The following ERICH6B variants were observed in gnomAD, a reference collection of about 807,000 sequenced individuals.
ERICH6B encodes glutamate rich 6B, also known as glutamate-rich protein 6B.
In ERICH6B, 69 loss-of-function variants were observed where a neutral mutation model predicts 80.0. The observed-to-expected ratio is 0.86, with a 90% confidence interval of 0.71 to 1.05. ERICH6B has a LOEUF of 1.05. Ranked by LOEUF, ERICH6B falls within the 50% of genes least tolerant of loss-of-function variation. The probability of loss-of-function intolerance (pLI) is 0.00; values close to 1 mark genes in which losing one functional copy is unlikely to be tolerated. For missense variants in ERICH6B, 754 were observed against 796.1 expected (o/e 0.95, Z 0.64); for synonymous variants, 283 against 291.9 (o/e 0.97, Z 0.31).
chr13:45,541,596 C>G lies in ERICH6B; in HGVS notation c.1957G>C (p.Val653Leu), dbSNP rs1536207. Reference sequence around the variant, plus strand: ...AGCCTATTCATTTTCCCCAGAAGGACCCGGATCTTCTGGGCTGTTGGGCCG... The same window carrying G: ...AGCCTATTCATTTTCCCCAGAAGGAGCCGGATCTTCTGGGCTGTTGGGCCG... ...EPGPTAQKIR[V>L]LLGKMNRLLN... The change falls in exon 15 of 15, where the codon GTC (valine) becomes CTC (leucine). Residue 653 changes from valine (V) to leucine (L), a missense_variant. Transcript: ENST00000298738. 1.9e-6 allele frequency: 3 copies of G among 1,551,418 alleles called. No individual in the cohort carries two copies. Among genetic ancestry groups the G allele is most frequent in the South Asian group, 2.4e-5 (2 of 84,056 alleles).
At chr13:45,589,396 GCTAAGTTTT>G (rs1876064317) in intron 4 of ERICH6B, among the ~76,000 whole-genome samples, 1 of 152,202 alleles carries the variant, frequency 6.6e-6, no homozygotes, top group Non-Finnish European at 1.5e-5. Context: ...CCTGACTCTT[GCTAAGTTTT>G]CTACCTGGCG....
At chr13:45,541,999 G>A (rs529620063) in intron 14 of ERICH6B, among the ~76,000 whole-genome samples, 9 of 152,194 alleles carry the variant, frequency 5.9e-5, no homozygotes, top group Non-Finnish European at 8.8e-5. Flanking sequence ...TGCGGCTGCC[G>A]GGCTTCTCCC....
rs539144710 is a variant in ERICH6B at position 45,613,177 on chromosome 13, A to C, written c.-111+2508T>G. On this transcript the variant is annotated intron_variant, in intron 1 of 14. Transcript: ENST00000298738. ...ACCCTTGTGGCAGTGAGCCCCTCCTAATGAAAAAAATATCCACAGCCAAAA... is the reference window on the plus strand; with the variant it reads ...ACCCTTGTGGCAGTGAGCCCCTCCTCATGAAAAAAATATCCACAGCCAAAA... Among the ~76,000 whole-genome samples, 471 of 152,238 alleles carry C rather than the reference A, an allele frequency of 3.1e-3. 1 individual carries two copies. Among genetic ancestry groups the C allele is most frequent in the South Asian group, 0.017 (82 of 4,820 alleles).
rs115294439 is a variant in ERICH6B, at chr13:45,543,402, A to G, written c.1872+1358T>C. Among the ~76,000 whole-genome samples the G allele has an allele frequency of 5.2e-3, 793 of 152,244 alleles. 7 individuals carry two copies. The highest frequency in any genetic ancestry group is 0.018 in the African/African-American group (764 of 41,526). ...TTATTTGGAAACGGGGTCTCTGTGGATATGATTAAGTTAAGGCTCTCAGGA... is the reference window on the plus strand; with the variant it reads ...TTATTTGGAAACGGGGTCTCTGTGGGTATGATTAAGTTAAGGCTCTCAGGA... On this transcript the variant is annotated intron_variant, in intron 14 of 14. Coordinates refer to ENST00000298738, the MANE Select transcript of ERICH6B (RefSeq NM_182542.3).
rs1018408423 is a variant in ERICH6B at position 45,587,195 on chromosome 13, A to G, written c.724T>C (p.Leu242=). ...GTAGCGAAAGTCAACGGGACAGTCA[A>G]GAAGGTGGTCACCTGAGAGGGGCCA... ...DAGPSQVTTF[L]TVPLTFATPS... The change falls in exon 5 of 15, where the codon TTG becomes CTG. Residue 242 remains leucine (L), a synonymous_variant. Transcript: ENST00000298738. The G allele has an allele frequency of 1.3e-6, 2 of 1,551,704 alleles. No individual in the cohort carries two copies. Among genetic ancestry groups the G allele is most frequent in the Non-Finnish European group, 1.7e-6 (2 of 1,146,996 alleles).
intron 1 of ERICH6B, among the ~76,000 whole-genome samples, chr13:45,611,258 T>G (rs1008116550): frequency 1.3e-5 from 2 of 151,876 alleles, no homozygotes. Flanking sequence ...CCAGGAAGAG[T>G]GCACAGTAAA....
chr13:45,598,624 C>A (rs1005507283), intron 2 of ERICH6B, among the ~76,000 whole-genome samples: 14 of 152,138 alleles, frequency 9.2e-5, no homozygotes, highest in Non-Finnish European at 1.5e-4. Flanking sequence ...TCATCATGGG[C>A]AAATGGCACA....
chr13:45,562,196 G>A (rs1259733844), intron 10 of ERICH6B, among the ~76,000 whole-genome samples: 4 of 152,122 alleles, frequency 2.6e-5, no homozygotes, highest in Admixed American at 6.5e-5. Context: ...GATTACAGGC[G>A]TGTGCCACCA....
At chr13:45,544,085 T>C (rs1489822706) in intron 14 of ERICH6B, among the ~76,000 whole-genome samples, 1 of 152,214 alleles carries the variant, frequency 6.6e-6, no homozygotes, top group Non-Finnish European at 1.5e-5. Context: ...ACTTATTTAT[T>C]TTTTGAGATA....
intron 1 of ERICH6B, among the ~76,000 whole-genome samples, chr13:45,608,413 A>G (rs1189207939): frequency 2.0e-5 from 3 of 152,196 alleles, no homozygotes; most frequent in Admixed American, 1.3e-4. Flanking sequence ...GCTTTTTAAT[A>G]GACTGGAACT....
At chr13:45,597,084 A>C (rs993650343) in intron 2 of ERICH6B, 21 bp from the exon 3 acceptor site, 7 of 1,422,968 alleles carry the variant, frequency 4.9e-6, no homozygotes, top group Middle Eastern at 2.5e-4. Context: ...GAAAGGAATA[A>C]AATCCTATTA....
chr13:45,545,992 C>G (rs1873976175), intron 13 of ERICH6B, among the ~76,000 whole-genome samples: 1 of 152,180 alleles, frequency 6.6e-6, no homozygotes, highest in Non-Finnish European at 1.5e-5. Flanking sequence ...CTATAACTAC[C>G]ATGAATCATG....
At chr13:45,548,958 A>G (rs1874097851) in intron 13 of ERICH6B, among the ~76,000 whole-genome samples, 1 of 152,218 alleles carries the variant, frequency 6.6e-6, no homozygotes, top group Non-Finnish European at 1.5e-5. Flanking sequence ...TTTGACCAAC[A>G]AGAAGAAAGT....
rs59402207 is a variant in ERICH6B at position 45,589,674 on chromosome 13, G to A, written c.686+975C>T. ...CAAACCTAGGCAGTCTGGCTCCAAAGCCCCAGTTCTCAATATCTTTAAGGT... is the reference window on the plus strand; with the variant it reads ...CAAACCTAGGCAGTCTGGCTCCAAAACCCCAGTTCTCAATATCTTTAAGGT... On this transcript the variant is annotated intron_variant, in intron 4 of 14. Coordinates refer to ENST00000298738, the MANE Select transcript of ERICH6B (RefSeq NM_182542.3). Among the ~76,000 whole-genome samples the A allele has an allele frequency of 7.9e-5, 12 of 152,368 alleles. No homozygotes were observed. The East Asian group carries it at 2.3e-3, about 29-fold the overall frequency.
intron 11 of ERICH6B, among the ~76,000 whole-genome samples, 184 bp downstream of exon 11, chr13:45,561,185 G>A (rs1874656956): frequency 6.6e-6 from 1 of 152,056 alleles, no homozygotes. Flanking sequence ...ATAAATCCTA[G>A]TAAAAATCCT....
At chr13:45,613,530 G>A (rs1473775437) in intron 1 of ERICH6B, among the ~76,000 whole-genome samples, 1 of 152,172 alleles carries the variant, frequency 6.6e-6, no homozygotes, top group African/African-American at 2.4e-5. Context: ...TGCTCCAAAA[G>A]CATTACTTGA....
intron 14 of ERICH6B, among the ~76,000 whole-genome samples, chr13:45,542,384 C>T (rs1243678284): frequency 6.6e-6 from 1 of 152,238 alleles, no homozygotes; most frequent in Non-Finnish European, 1.5e-5. Flanking sequence ...ATGGAGGCGC[C>T]TGTTCTTCCC....
rs1436222075 is a variant in ERICH6B, at chr13:45,613,235, G to A, written c.-111+2450C>T. Among the ~76,000 whole-genome samples, 3 of 152,020 alleles carry A rather than the reference G, an allele frequency of 2.0e-5. No individual in the cohort carries two copies. In the East Asian group the frequency reaches 5.8e-4, roughly 29 times the overall value. On this transcript the variant is annotated intron_variant, in intron 1 of 14. Coordinates refer to ENST00000298738, the MANE Select transcript of ERICH6B (RefSeq NM_182542.3). ...GAGTTCTGGGAACTGGTGGGTTGTG[G>A]ACCAGCTTCCTAATAGTACCTGGGA... is the stretch of plus-strand genomic sequence containing the variant.
At chr13:45,570,145 C>T (rs1875090388) in intron 8 of ERICH6B, among the ~76,000 whole-genome samples, 1 of 152,160 alleles carries the variant, frequency 6.6e-6, no homozygotes, top group South Asian at 2.1e-4. Context: ...GTTTGCCTAG[C>T]CTACAGAGTG....
Sources: gnomAD v4.1 joint callset for allele counts (sites outside exome capture counted in the v4.1 genomes callset) on GRCh38, gnomAD v4.1.1 for gene constraint, MANE v1.5 for transcripts, NCBI Gene and HGNC (gene_info 2026-07-23, HGNC 2026-07-21) for gene names.